HTATIP2: variants seen among roughly 807,000 people sequenced by gnomAD.
HTATIP2 encodes the protein HIV-1 Tat interactive protein 2.
HTATIP2 carries 26 observed loss-of-function variants against 24.7 expected under a neutral mutation model. The observed-to-expected ratio is 1.05, with a 90% CI of 0.77 to 1.46. The LOEUF (loss-of-function observed/expected upper bound fraction) is 1.46. HTATIP2 is among the 40% of genes most tolerant of loss of function. The pLI is 0.00. For synonymous variants in HTATIP2, 99 were observed against 113.2 expected, an observed-to-expected ratio of 0.87 and a Z score of 0.79; for missense variants, 284 against 289.6, an observed-to-expected ratio of 0.98 and a Z score of 0.14.
At chr11:20,376,810 A>G in intron 3 of HTATIP2, 93 bp downstream of exon 3, 1 of 868,156 alleles carries the variant, frequency 1.2e-6, no homozygotes, top group East Asian at 2.9e-5. Flanking sequence ...TACAAAAACC[A>G]TCAAATGCAT....
Position 20,367,183 on chromosome 11 carries a change from G to A in HTATIP2, c.205G>A (p.Val69Met). Residue 69 changes from valine to methionine, a missense_variant, in exon 2 of 5, where the codon GTG (valine) becomes ATG (methionine). Physicochemically the swap from Val to Met is conservative, Grantham distance 21 (BLOSUM62 1). Transcript: ENST00000451739. Reference sequence around the variant, plus strand: ...CTGTGTCCTTGCCTAGAATCAAGAAGTGGTGGACTTTGAAAAGTTGGATGA... The same window carrying A: ...CTGTGTCCTTGCCTAGAATCAAGAAATGGTGGACTTTGAAAAGTTGGATGA... ...EEAYKNVNQE[V>M]VDFEKLDDYA... 1 of 1,614,070 alleles carries A rather than the reference G, an allele frequency of 6.2e-7. No individual in the cohort carries two copies. Among genetic ancestry groups the A allele is most frequent in the Non-Finnish European group, 8.5e-7 (1 of 1,180,026 alleles).
At chr11:20,367,352 T>C (rs766803388) in intron 2 of HTATIP2, 71 bp downstream of exon 2, 2 of 1,608,186 alleles carry the variant, frequency 1.2e-6, no homozygotes, top group African/African-American at 2.7e-5. Context: ...TTGCTCACTC[T>C]TTTTCTTTGT....
intron 3 of HTATIP2, among the ~76,000 whole-genome samples, chr11:20,377,190 T>G (rs1265359723): frequency 6.6e-6 from 1 of 151,090 alleles, no homozygotes; most frequent in Middle Eastern, 3.2e-3. Flanking sequence ...CTTGGCTCGC[T>G]GCAGCCTCTG....
At chr11:20,377,651 A>G (rs572980253) in intron 3 of HTATIP2, among the ~76,000 whole-genome samples, 1 of 152,194 alleles carries the variant, frequency 6.6e-6, no homozygotes, top group Non-Finnish European at 1.5e-5. Context: ...ACAGAAGTTC[A>G]TCTCCTTTCT....
rs145549108 is a variant in HTATIP2, at chr11:20,364,396, G to C, written c.159G>C (p.Arg53Ser). The change falls in exon 1 of 5, where the codon AGG becomes AGC. Residue 53 changes from arginine to serine, a missense_variant. By Grantham distance (110) the Arg-to-Ser change is moderately radical. Transcript: ENST00000451739. ...CCAAAGTCACGCTCATTGGCCGGAGGAAGCTCACCTTCGACGAGGAAGCTT... is the reference window on the plus strand; with the variant it reads ...CCAAAGTCACGCTCATTGGCCGGAGCAAGCTCACCTTCGACGAGGAAGCTT... ...LFSKVTLIGR[R>S]KLTFDEEAYK... is the part of the protein sequence containing the mutation. 1.1e-5 allele frequency: 17 copies of C among 1,610,436 alleles called. No homozygotes were observed. The African/African-American group carries it at 2.1e-4, about 20-fold the overall frequency.
chr11:20,365,318 A>T (rs1333482694), intron 1 of HTATIP2, among the ~76,000 whole-genome samples: 1 of 152,192 alleles, frequency 6.6e-6, no homozygotes, highest in Admixed American at 6.5e-5. Flanking sequence ...TATAGGAATG[A>T]TATACCAGAC....
intron 2 of HTATIP2, among the ~76,000 whole-genome samples, chr11:20,370,071 C>T (rs1463098047): frequency 3.9e-5 from 6 of 152,178 alleles, no homozygotes; most frequent in African/African-American, 4.8e-5. Context: ...AATTTGGAAG[C>T]TTGGAATCTG....
chr11:20,365,549 C>A (rs1804054688), intron 1 of HTATIP2, among the ~76,000 whole-genome samples: 1 of 152,206 alleles, frequency 6.6e-6, no homozygotes. Context: ...GGTCTGTGTT[C>A]AGGTCATGGT....
chr11:20,365,083 A>G (rs984162022), intron 1 of HTATIP2, among the ~76,000 whole-genome samples: 3 of 150,932 alleles, frequency 2.0e-5, no homozygotes, highest in African/African-American at 7.3e-5. Context: ...TTTCAGGTTC[A>G]AGCGATTCTT....
rs1015639268 is a variant in HTATIP2 at position 20,364,119 on chromosome 11, C to G, written c.-119C>G. 1 of 1,445,138 alleles carries G rather than the reference C, an allele frequency of 6.9e-7. No individual in the cohort carries two copies. Among genetic ancestry groups the G allele is most frequent in the Non-Finnish European group, 9.1e-7 (1 of 1,096,796 alleles). The allele number at this position is 1,445,138 out of a possible 1,614,324, so 89.5% of individuals were successfully genotyped here. The stretch of plus-strand genomic sequence containing the variant: ...GTGACTCAGCACTTTCCCCAGAGCC[C>G]GGACTGCGGAGAACAATATCCTCCT... On this transcript the variant is annotated 5_prime_UTR_variant, in exon 1 of 5. Transcript: ENST00000451739.
In HTATIP2 at chr11:20,376,629, T is replaced by A. The variant is rs1250260611; in HGVS notation, c.353T>A (p.Leu118Gln). The A allele has an allele frequency of 1.2e-6, 2 of 1,614,114 alleles. No individual in the cohort carries two copies. Among genetic ancestry groups the A allele is most frequent in the South Asian group, 2.2e-5 (2 of 91,082 alleles). ...DRDYVLKSAE[L>Q]AKAGGCKHFN... ...GATTATGTGCTGAAGTCTGCAGAGC[T>A]GGCAAAAGCTGGAGGGTGCAAACAT... The change falls in exon 3 of 5, where the codon CTG (leucine) becomes CAG (glutamine). Residue 118 changes from leucine (L) to glutamine (Q), a missense_variant. Coordinates refer to ENST00000451739, the MANE Select transcript of HTATIP2 (RefSeq NM_001098522.2).
rs774438949 is a variant in HTATIP2, at chr11:20,382,963, T to C, written c.504-17T>C. 1.2e-5 allele frequency: 19 copies of C among 1,565,640 alleles called. No homozygotes were observed. The African/African-American group carries it at 1.4e-4, about 11-fold the overall frequency. Reference sequence around the variant, plus strand: ...CTTCCTCTGCTTTTCTTTCTTTTTTTTTTTTTTTTATTTTAGAGTTCTGTT... The same window carrying C: ...CTTCCTCTGCTTTTCTTTCTTTTTTCTTTTTTTTTATTTTAGAGTTCTGTT... On this transcript the variant is annotated splice_polypyrimidine_tract_variant and intron_variant, in intron 4 of 4. Coordinates refer to ENST00000451739, the MANE Select transcript of HTATIP2 (RefSeq NM_001098522.2).
intron 2 of HTATIP2, among the ~76,000 whole-genome samples, chr11:20,368,888 G>T (rs2064741568): frequency 6.6e-6 from 1 of 152,084 alleles, no homozygotes; most frequent in Admixed American, 6.5e-5. Flanking sequence ...AATACCTTTT[G>T]TTCTCCTTTA....
chr11:20,371,480 C>G (rs1313579550), intron 2 of HTATIP2, among the ~76,000 whole-genome samples: 1 of 152,158 alleles, frequency 6.6e-6, no homozygotes, highest in Non-Finnish European at 1.5e-5. Context: ...GTGATTTCGG[C>G]TCACTGCAGG....
chr11:20,373,130 G>A (rs1316105783), intron 2 of HTATIP2, among the ~76,000 whole-genome samples: 1 of 152,182 alleles, frequency 6.6e-6, no homozygotes. Context: ...GAACAGCAAT[G>A]GAGAAAGGTA....
intron 3 of HTATIP2, among the ~76,000 whole-genome samples, chr11:20,377,154 C>G (rs181754025): frequency 4.5e-4 from 62 of 139,154 alleles, no homozygotes; most frequent in African/African-American, 1.6e-3. Context: ...GAGACAGGTT[C>G]CCAGGCTGGA....
intron 3 of HTATIP2, among the ~76,000 whole-genome samples, chr11:20,380,872 A>G (rs1326026435): frequency 1.3e-5 from 2 of 152,180 alleles, no homozygotes; most frequent in African/African-American, 4.8e-5. Flanking sequence ...ACATACTACA[A>G]CATGGGTGAA....
rs1385493865 is a variant in HTATIP2, at chr11:20,363,733, C to A, written c.-505C>A. ...CGAGGCAGCGTCGCCGCGAGGCCAC[C>A]CGGAAGACCAAGCCGGGTAGGCGCT... is the stretch of plus-strand genomic sequence containing the variant. On this transcript the variant is annotated 5_prime_UTR_variant, in exon 1 of 5. Coordinates refer to ENST00000451739, the MANE Select transcript of HTATIP2 (RefSeq NM_001098522.2). 10 of 1,232,420 alleles carry A rather than the reference C, an allele frequency of 8.1e-6. No individual in the cohort carries two copies. Among genetic ancestry groups the A allele is most frequent in the Non-Finnish European group, 1.0e-5 (10 of 986,142 alleles). The allele number at this position is 1,232,420 out of a possible 1,614,324, so 76.3% of individuals were successfully genotyped here.
At chr11:20,366,147 T>G (rs2133263220) in intron 1 of HTATIP2, among the ~76,000 whole-genome samples, 1 of 142,318 alleles carries the variant, frequency 7.0e-6, no homozygotes, top group South Asian at 2.3e-4. Flanking sequence ...TGTCGCCCAG[T>G]CTGGAGTGCA....
Sources: allele counts gnomAD v4.1 joint callset (sites outside exome capture counted in the v4.1 genomes callset), GRCh38; gene constraint gnomAD v4.1.1; transcripts MANE v1.5; gene names NCBI Gene and HGNC (gene_info 2026-07-23, HGNC 2026-07-21).